Variants in CFAP54 observed in about 807,000 individuals in gnomAD.
The protein encoded by CFAP54 is cilia and flagella associated protein 54.
In CFAP54, 290 loss-of-function variants were observed where a neutral mutation model predicts 370.4. The observed-to-expected ratio is 0.78, with a 90% CI of 0.71 to 0.86. The LOEUF (loss-of-function observed/expected upper bound fraction) is 0.86. Ranked by LOEUF, CFAP54 falls within the 40% of genes least tolerant of loss-of-function variation. The pLI is 0.00. For missense variants in CFAP54, 3,399 were observed against 3,528.7 expected, an observed-to-expected ratio of 0.96 and a Z score of 0.93; for synonymous variants, 1,206 against 1,236.5, an observed-to-expected ratio of 0.98 and a Z score of 0.52.
chr12:96,748,556 A>G (rs573194991), intron 55 of CFAP54, among the ~76,000 whole-genome samples: 1 of 152,006 alleles, frequency 6.6e-6, no homozygotes, highest in African/African-American at 2.4e-5. Flanking sequence ...TTCTGATTCC[A>G]TGTTCTCTGC....
At chr12:96,556,311 G>T (rs1008662847) in intron 17 of CFAP54, among the ~76,000 whole-genome samples, 4 of 148,044 alleles carry the variant, frequency 2.7e-5, no homozygotes, top group African/African-American at 1.0e-4. Context: ...AAATTTTAAA[G>T]ATAAGGAAAG....
intron 62 of CFAP54, 21 bp downstream of exon 62, chr12:96,786,919 A>T: frequency 2.8e-6 from 4 of 1,453,196 alleles, no homozygotes; most frequent in Non-Finnish European, 3.7e-6. Flanking sequence ...TTGAAACATG[A>T]TATATTTACA....
In CFAP54 at chr12:96,658,041, T is replaced by G; in HGVS notation, c.5260T>G (p.Leu1754Val). ...HDFVLKSLEV[L>V]YQVEKWETLV... The stretch of plus-strand genomic sequence containing the variant: ...CTTTGTATTAAAATCTCTGGAAGTT[T>G]TATATCAAGTGGAAAAATGGGAAAC... The change falls in exon 37 of 68, where the codon TTA (leucine) becomes GTA (valine). Residue 1754 changes from leucine (L) to valine (V), a missense_variant. Leu to Val is a conservative substitution (Grantham distance 32). Transcript: ENST00000524981. 6.2e-7 allele frequency: 1 copy of G among 1,614,066 alleles called. No homozygotes were observed. The highest frequency in any genetic ancestry group is 8.5e-7 in the Non-Finnish European group (1 of 1,179,966).
At position 96,829,072 on chromosome 12, in the gene CFAP54, C is replaced by G; in HGVS notation, c.9155C>G (p.Pro3052Arg). 3 of 1,508,112 alleles carry G rather than the reference C, an allele frequency of 2.0e-6. No individual in the cohort carries two copies. Among genetic ancestry groups the G allele is most frequent in the Non-Finnish European group, 2.7e-6 (3 of 1,123,530 alleles). The allele number at this position is 1,508,112 out of a possible 1,614,324, so 93.4% of individuals were successfully genotyped here. The change falls in exon 66 of 68, where the codon CCA (proline) becomes CGA (arginine). Residue 3052 changes from proline (P) to arginine (R), a missense_variant. Physicochemically the swap from Pro to Arg is moderately radical, Grantham distance 103. This residue lies in a region of CFAP54 where 2,796 missense variants were observed against 2,869.7 expected (regional missense o/e 0.97). Coordinates refer to ENST00000524981, the MANE Select transcript of CFAP54 (RefSeq NM_001306084.2). Reference sequence around the variant, plus strand: ...TCTCTGTTTTTGAATGATAAAGAGCCAACACCACTATCTGAGGTATGTATT... The same window carrying G: ...TCTCTGTTTTTGAATGATAAAGAGCGAACACCACTATCTGAGGTATGTATT... ...IASLFLNDKE[P>R]TPLSEVPFDI...
chr12:96,519,996 C>T lies in CFAP54; in HGVS notation c.942+925C>T, dbSNP rs73374060. ...CTCTTGTCTTGCTTTTCTCTGCTAA[C>T]CACCATTTAGTACACTTTGTTTTTC... On this transcript the variant is annotated intron_variant, in intron 6 of 67. Transcript: ENST00000524981. Among the ~76,000 whole-genome samples, 220 of 152,180 alleles carry T rather than the reference C, an allele frequency of 1.4e-3. 1 individual carries two copies. The highest frequency in any genetic ancestry group is 5.1e-3 in the African/African-American group (212 of 41,524).
intron 17 of CFAP54, among the ~76,000 whole-genome samples, chr12:96,562,912 G>C (rs1384389992): frequency 3.3e-5 from 5 of 152,108 alleles, no homozygotes; most frequent in Admixed American, 3.3e-4. Context: ...TGTATAAATT[G>C]AAAATTTGAT....
chr12:96,510,103 A>G (rs539628787), intron 4 of CFAP54, among the ~76,000 whole-genome samples: 1 of 151,826 alleles, frequency 6.6e-6, no homozygotes, highest in Non-Finnish European at 1.5e-5. Flanking sequence ...GAATACAAAA[A>G]TTGGCCGGGT....
At chr12:96,860,134 ATTTTTTTTTT>A (rs137937553) in intron 66 of CFAP54, among the ~76,000 whole-genome samples, 51 of 127,964 alleles carry the variant, frequency 4.0e-4, no homozygotes, top group African/African-American at 1.3e-3. Context: ...TTGTTCTCTA[ATTTTTTTTTT>A]TTTTTTTTTT....
chr12:96,697,900 C>T (rs2136573393), intron 45 of CFAP54, among the ~76,000 whole-genome samples: 1 of 152,262 alleles, frequency 6.6e-6, no homozygotes, highest in Admixed American at 6.5e-5. Context: ...CCTTTCTTGG[C>T]CAGCATTCAC....
chr12:96,522,216 T>TATA (rs1445772831), intron 8 of CFAP54, 27 bp downstream of exon 8: 5 of 1,411,330 alleles, frequency 3.5e-6, no homozygotes, highest in Non-Finnish European at 4.8e-6. Flanking sequence ...CTTCTCTCTT[T>TATA]AAGACTCTTT....
chr12:96,579,698 C>A (rs1055047541), intron 20 of CFAP54, among the ~76,000 whole-genome samples: 1 of 151,962 alleles, frequency 6.6e-6, no homozygotes, highest in Admixed American at 6.6e-5. Flanking sequence ...ATAATACTAC[C>A]CCGTCAGGTG....
At chr12:96,661,336 A>AG (rs1378759621) in intron 38 of CFAP54, among the ~76,000 whole-genome samples, 3 of 152,196 alleles carry the variant, frequency 2.0e-5, no homozygotes, top group Non-Finnish European at 4.4e-5. Flanking sequence ...GTCAAGAAAC[A>AG]GGGACAAGAC....
intron 5 of CFAP54, among the ~76,000 whole-genome samples, chr12:96,518,101 A>G (rs1955260134): frequency 6.6e-6 from 1 of 152,174 alleles, no homozygotes; most frequent in Non-Finnish European, 1.5e-5. Flanking sequence ...AAAAATACCC[A>G]TTTTACAGAT....
chr12:96,831,929 C>T (rs1320557016), intron 66 of CFAP54, among the ~76,000 whole-genome samples: 1 of 152,080 alleles, frequency 6.6e-6, no homozygotes, highest in African/African-American at 2.4e-5. Context: ...TGTGGTAAAC[C>T]ACTGATAATA....
At chr12:96,695,471 A>G (rs529615074) in intron 45 of CFAP54, among the ~76,000 whole-genome samples, 21 of 152,338 alleles carry the variant, frequency 1.4e-4, no homozygotes, top group South Asian at 4.1e-4. Context: ...ACTGATCATG[A>G]AAATTTCTGA....
intron 65 of CFAP54, among the ~76,000 whole-genome samples, chr12:96,825,374 CAT>C (rs1491291419): frequency 9.0e-5 from 10 of 111,524 alleles, no homozygotes; most frequent in Admixed American, 3.5e-4. Context: ...TATTATGTAA[CAT>C]GTGTTATATA....
intron 30 of CFAP54, among the ~76,000 whole-genome samples, chr12:96,629,666 G>A (rs1295615567): frequency 1.3e-5 from 1 of 76,518 alleles, no homozygotes; most frequent in Non-Finnish European, 3.2e-5. Flanking sequence ...CTGTAAATAG[G>A]CATTTAAATC....
At position 96,735,448 on chromosome 12, in the gene CFAP54, G is replaced by C. The variant is rs563645311; in HGVS notation, c.6966-4508G>C. On this transcript the variant is annotated intron_variant, in intron 50 of 67. Coordinates refer to ENST00000524981, the MANE Select transcript of CFAP54 (RefSeq NM_001306084.2). Reference sequence around the variant, plus strand: ...CCCTAACACTGTGCAGAGGCTTAAGGAACTACTCCAGCCAACAGAAGAGAT... The same window carrying C: ...CCCTAACACTGTGCAGAGGCTTAAGCAACTACTCCAGCCAACAGAAGAGAT... 2.0e-5 allele frequency among the ~76,000 whole-genome samples: 3 copies of C among 152,234 alleles called. No individual in the cohort carries two copies. The East Asian group carries it at 5.8e-4, about 29-fold the overall frequency.
chr12:96,691,072 T>C (rs1245258066), intron 43 of CFAP54, 56 bp from the exon 44 acceptor site: 3 of 1,490,140 alleles, frequency 2.0e-6, no homozygotes, highest in South Asian at 2.4e-5. Flanking sequence ...CTTTTTTGTT[T>C]CATTATTGAA....
Sources: gnomAD v4.1 joint callset for allele counts (sites outside exome capture counted in the v4.1 genomes callset) on GRCh38, gnomAD v4.1.1 for gene constraint, gnomAD v4.1.1 regional missense constraint, MANE v1.5 for transcripts, NCBI Gene and HGNC (gene_info 2026-07-23, HGNC 2026-07-21) for gene names.